The following HGF variants were observed in gnomAD, a reference collection of about 807,000 sequenced individuals.
The protein encoded by HGF is fibroblast-derived tumor cytotoxic factor.
In HGF, 39 loss-of-function variants were observed where a neutral mutation model predicts 111.6. The ratio of observed to expected loss-of-function variants is 0.35; its 90% CI spans 0.27 to 0.46. The LOEUF (loss-of-function observed/expected upper bound fraction) is 0.46, where lower values mean the gene tolerates loss of function less well. Among genes scored for constraint, HGF ranks in the 20% least tolerant of loss-of-function variants. HGF has a pLI of 1.00. For synonymous variants in HGF, 285 were observed against 294.8 expected, an observed-to-expected ratio of 0.97 and a Z score of 0.34; for missense variants, 735 against 910.5, an observed-to-expected ratio of 0.81 and a Z score of 2.48.
chr7:81,751,600 T>G (rs556972476), intron 5 of HGF: 61 of 995,192 alleles, frequency 6.1e-5, no homozygotes, highest in Non-Finnish European at 7.1e-5. Flanking sequence ...CACATTTGAT[T>G]CTAGGCACAT....
At chr7:81,714,099 C>A (rs918422960) in intron 11 of HGF, among the ~76,000 whole-genome samples, 2 of 151,278 alleles carry the variant, frequency 1.3e-5, no homozygotes, top group Non-Finnish European at 2.9e-5. Context: ...CTTCTTAAAG[C>A]TTTAACTCAA....
rs1787865040 is a variant in HGF, at chr7:81,737,349, G to A, written c.865+6004C>T. The stretch of plus-strand genomic sequence containing the variant: ...TGGTGCCGAGGGGCTGAGGGAAATT[G>A]GAGTAGCTCATAGGTAAATACTAAT... On this transcript the variant is annotated intron_variant, in intron 7 of 17. Coordinates refer to ENST00000222390, the MANE Select transcript of HGF (RefSeq NM_000601.6). 2.0e-5 allele frequency among the ~76,000 whole-genome samples: 3 copies of A among 152,014 alleles called. No individual in the cohort carries two copies. In the South Asian group the frequency reaches 6.2e-4, roughly 31 times the overall value.
At chr7:81,766,889 G>C (rs1789383018) in intron 1 of HGF, among the ~76,000 whole-genome samples, 1 of 152,148 alleles carries the variant, frequency 6.6e-6, no homozygotes, top group Admixed American at 6.5e-5. Context: ...AGACCACATG[G>C]TTGAGCATGA....
At chr7:81,758,025 C>T (rs1788870432) in intron 3 of HGF, among the ~76,000 whole-genome samples, 1 of 151,914 alleles carries the variant, frequency 6.6e-6, no homozygotes, top group Non-Finnish European at 1.5e-5. Context: ...TTGAAAACAT[C>T]TATATATTGT....
intron 17 of HGF, among the ~76,000 whole-genome samples, chr7:81,704,691 C>T (rs1583912391): frequency 2.0e-5 from 3 of 151,712 alleles, no homozygotes; most frequent in African/African-American, 7.2e-5. Context: ...TATCATTGAA[C>T]TCATTTCATC....
chr7:81,705,852 G>C, intron 15 of HGF, 99 bp from the exon 16 acceptor site: 1 of 654,398 alleles, frequency 1.5e-6, no homozygotes, highest in South Asian at 1.8e-5. Flanking sequence ...CATTTACAGA[G>C]AATGAAGTCC....
intron 5 of HGF, among the ~76,000 whole-genome samples, chr7:81,749,455 A>C (rs1788403614): frequency 6.6e-6 from 1 of 152,150 alleles, no homozygotes; most frequent in African/African-American, 2.4e-5. Context: ...GTTCTTTCTT[A>C]AAACTGTCCA....
At chr7:81,725,813 T>C (rs1181497883) in intron 9 of HGF, 77 bp downstream of exon 9, 11 of 1,484,634 alleles carry the variant, frequency 7.4e-6, no homozygotes, top group African/African-American at 1.4e-5. Flanking sequence ...GTAGATCTTA[T>C]GCTGTAAAAT....
At chr7:81,717,427 A>G (rs1435757705) in intron 10 of HGF, 62 bp from the exon 11 acceptor site, 1 of 1,459,896 alleles carries the variant, frequency 6.8e-7, no homozygotes. Flanking sequence ...GACACAAAAT[A>G]TTACAAAAAG....
chr7:81,700,999 CATTCAAAAA>C lies in HGF; in HGVS notation c.*1573_*1581del, dbSNP rs1480145704. On this transcript the variant is annotated 3_prime_UTR_variant, in exon 18 of 18. Transcript: ENST00000222390. ...AGAAATGGGACTACTGGATTCACAC[CATTCAAAAA>C]ATTATTTTTAAAGGTGTTTTGTACA... 6 of 151,516 alleles carry C rather than the reference CATTCAAAAA, an allele frequency of 4.0e-5. No individual in the cohort carries two copies. Among genetic ancestry groups the C allele is most frequent in the Non-Finnish European group, 8.9e-5 (6 of 67,644 alleles). The allele number at this position is 151,516 out of a possible 1,614,324, so 9.4% of individuals were successfully genotyped here.
chr7:81,714,625 A>T (rs757280161), intron 11 of HGF, among the ~76,000 whole-genome samples: 10 of 152,128 alleles, frequency 6.6e-5, no homozygotes, highest in Non-Finnish European at 8.8e-5. Flanking sequence ...ATACTCAATC[A>T]TATAGGCACC....
chr7:81,722,538 C>T (rs180810600), intron 9 of HGF, among the ~76,000 whole-genome samples: 3 of 151,636 alleles, frequency 2.0e-5, no homozygotes, highest in Admixed American at 6.6e-5. Context: ...GTTGGTCAGG[C>T]GCGGTGGCTC....
chr7:81,741,168 T>C (rs1253639553), intron 7 of HGF, among the ~76,000 whole-genome samples: 1 of 152,214 alleles, frequency 6.6e-6, no homozygotes, highest in African/African-American at 2.4e-5. Context: ...ATCTCTTTCA[T>C]ATATGTATTT....
chr7:81,764,547 G>C (rs942799674), intron 1 of HGF, among the ~76,000 whole-genome samples: 1 of 152,018 alleles, frequency 6.6e-6, no homozygotes, highest in Non-Finnish European at 1.5e-5. Flanking sequence ...TTATTGACTT[G>C]TCAAATGACT....
chr7:81,746,266 A>C (rs17155429), intron 5 of HGF, among the ~76,000 whole-genome samples: 3,787 of 152,306 alleles, frequency 0.025, 158 homozygotes, highest in African/African-American at 0.085. Flanking sequence ...TTAATACATT[A>C]GCTAAGAGGC....
chr7:81,737,708 A>G (rs867698303), intron 7 of HGF, among the ~76,000 whole-genome samples: 28 of 152,158 alleles, frequency 1.8e-4, no homozygotes, highest in African/African-American at 5.8e-4. Flanking sequence ...ATTTTCCATT[A>G]AAATATATTT....
At chr7:81,736,702 G>A (rs1169195874) in intron 7 of HGF, 1 of 474,290 alleles carries the variant, frequency 2.1e-6, no homozygotes, top group Admixed American at 2.2e-5. Context: ...TGAGAACATG[G>A]AAAATATGAG....
At chr7:81,756,388 AC>A in intron 4 of HGF, 1 of 246,350 alleles carries the variant, frequency 4.1e-6, no homozygotes, top group East Asian at 8.6e-5. Flanking sequence ...GTTTTAAACT[AC>A]TTTGGTTTCT....
intron 5 of HGF, chr7:81,751,366 A>G (rs1788489197): frequency 1.0e-6 from 1 of 985,152 alleles, no homozygotes; most frequent in Admixed American, 6.2e-5. Flanking sequence ...ACTAAGAAAA[A>G]TGAAACCACA....
Sources: gnomAD v4.1 joint callset for allele counts (sites outside exome capture counted in the v4.1 genomes callset) on GRCh38, gnomAD v4.1.1 for gene constraint, MANE v1.5 for transcripts, NCBI Gene and HGNC (gene_info 2026-07-23, HGNC 2026-07-21) for gene names.